Variants in RBM46 observed in about 807,000 individuals in gnomAD.
RBM46 encodes the protein probable RNA-binding protein 46.
Under a neutral mutation model 43.3 loss-of-function variants are expected in RBM46, and 12 were observed. The observed-to-expected ratio is 0.28, with a 90% CI of 0.18 to 0.45. The LOEUF is 0.45. Among genes scored for constraint, RBM46 ranks in the 20% least tolerant of loss-of-function variants. The probability of loss-of-function intolerance (pLI) is 1.00; values close to 1 mark genes in which losing one functional copy is unlikely to be tolerated. For synonymous variants in RBM46, 205 were observed against 207.6 expected (o/e 0.99, Z 0.11); for missense variants, 412 against 639.1 (o/e 0.64, Z 3.83).
At chr4:154,824,676 A>T (rs1264448080) in intron 4 of RBM46, among the ~76,000 whole-genome samples, 1 of 152,142 alleles carries the variant, frequency 6.6e-6, no homozygotes, top group Non-Finnish European at 1.5e-5. Context: ...GTGAATGGAA[A>T]AAAAAAGCAT....
chr4:154,798,172 C>A lies in RBM46; in HGVS notation c.513C>A (p.Val171=). 6.2e-7 allele frequency: 1 copy of A among 1,613,804 alleles called. No homozygotes were observed. The highest frequency in any genetic ancestry group is 1.1e-5 in the South Asian group (1 of 90,962). Residue 171 remains valine (V), a synonymous_variant, in exon 3 of 5, where the codon GTC becomes GTA. Transcript: ENST00000281722. The part of the protein sequence containing the change: ...MKKVTEGVVD[V]IVYPSATDKT... ...AAGTTACAGAAGGAGTTGTAGATGTCATTGTTTATCCAAGTGCAACTGATA... is the reference window on the plus strand; with the variant it reads ...AAGTTACAGAAGGAGTTGTAGATGTAATTGTTTATCCAAGTGCAACTGATA...
At chr4:154,815,575 G>A (rs1045465523) in intron 4 of RBM46, among the ~76,000 whole-genome samples, 2 of 151,902 alleles carry the variant, frequency 1.3e-5, no homozygotes, top group Non-Finnish European at 2.9e-5. Flanking sequence ...ATCATCTTAG[G>A]AGGATTATAG....
chr4:154,788,906 G>T (rs1323284184), intron 1 of RBM46, among the ~76,000 whole-genome samples: 2 of 152,128 alleles, frequency 1.3e-5, no homozygotes. Flanking sequence ...CACATCCCTT[G>T]TAAGTTGGCT....
chr4:154,808,306 A>G (rs1735008923), intron 4 of RBM46, among the ~76,000 whole-genome samples: 1 of 151,988 alleles, frequency 6.6e-6, no homozygotes, highest in Non-Finnish European at 1.5e-5. Flanking sequence ...CCTATGCTTT[A>G]CTTTTTCTTT....
At chr4:154,797,053 T>C (rs1734389467) in intron 2 of RBM46, 150 bp downstream of exon 2, 2 of 573,814 alleles carry the variant, frequency 3.5e-6, no homozygotes, top group South Asian at 5.9e-5. Flanking sequence ...AGTTAAATTA[T>C]AAATGTTATT....
intron 4 of RBM46, among the ~76,000 whole-genome samples, chr4:154,817,699 T>C (rs990390569): frequency 8.5e-5 from 13 of 152,188 alleles, no homozygotes; most frequent in African/African-American, 3.1e-4. Flanking sequence ...TTTTATGTTT[T>C]GATTTCTTCT....
intron 1 of RBM46, among the ~76,000 whole-genome samples, chr4:154,787,930 G>T (rs1395876331): frequency 6.6e-6 from 1 of 152,092 alleles, no homozygotes; most frequent in Non-Finnish European, 1.5e-5. Flanking sequence ...TTCTCTGATG[G>T]CCAGTGATGA....
In RBM46 at chr4:154,798,196, T is replaced by C. The variant is rs770287089; in HGVS notation, c.537T>C (p.Asp179=). The C allele has an allele frequency of 3.1e-6, 5 of 1,613,108 alleles. No homozygotes were observed. In the African/African-American group the frequency reaches 6.7e-5, roughly 22 times the overall value. ...TCATTGTTTATCCAAGTGCAACTGATAAGACCAAAAATCGTGGTTTTGCAT... is the reference window on the plus strand; with the variant it reads ...TCATTGTTTATCCAAGTGCAACTGACAAGACCAAAAATCGTGGTTTTGCAT... ...VDVIVYPSAT[D]KTKNRGFAFV... Residue 179 remains aspartate, a synonymous_variant, in exon 3 of 5, where the codon GAT becomes GAC. Coordinates refer to ENST00000281722, the MANE Select transcript of RBM46 (RefSeq NM_144979.5).
intron 4 of RBM46, among the ~76,000 whole-genome samples, chr4:154,808,121 T>TA (rs1264324043): frequency 6.6e-6 from 1 of 152,008 alleles, no homozygotes; most frequent in African/African-American, 2.4e-5. Context: ...ATCAATCTCT[T>TA]AAACAGTTGT....
intron 4 of RBM46, among the ~76,000 whole-genome samples, chr4:154,814,895 A>C (rs532912837): frequency 2.4e-4 from 37 of 151,666 alleles, no homozygotes; most frequent in Non-Finnish European, 3.8e-4. Flanking sequence ...AGAAAAGTGC[A>C]CAAATAATGA....
At chr4:154,801,772 G>T (rs1734650068) in intron 4 of RBM46, among the ~76,000 whole-genome samples, 1 of 152,166 alleles carries the variant, frequency 6.6e-6, no homozygotes, top group Admixed American at 6.5e-5. Flanking sequence ...CTATATGGAA[G>T]CAGAGCTTTT....
intron 4 of RBM46, among the ~76,000 whole-genome samples, chr4:154,821,545 A>C (rs766169613): frequency 7.2e-5 from 11 of 151,882 alleles, no homozygotes; most frequent in Non-Finnish European, 1.6e-4. Context: ...TCTTAATACA[A>C]AGGTAGCAAA....
chr4:154,827,076 G>A, intron 4 of RBM46: 1 of 1,140,218 alleles, frequency 8.8e-7, no homozygotes, highest in Non-Finnish European at 1.1e-6. Flanking sequence ...AATTTGGTCT[G>A]TAATATACAC....
chr4:154,826,413 G>A (rs1051741143), intron 4 of RBM46, among the ~76,000 whole-genome samples: 77 of 152,188 alleles, frequency 5.1e-4, no homozygotes, highest in African/African-American at 8.4e-4. Flanking sequence ...AGCTGAGACC[G>A]CACCATTGCA....
At position 154,826,739 on chromosome 4, in the gene RBM46, C is replaced by CTTTTTTT. The variant is rs34828322; in HGVS notation, c.1403-1117_1403-1111dup. 9 of 934,286 alleles carry CTTTTTTT rather than the reference C, an allele frequency of 9.6e-6. 1 individual carries two copies. The highest frequency in any genetic ancestry group is 1.4e-5 in the Non-Finnish European group (9 of 652,568). The allele number at this position is 934,286 out of a possible 1,614,324, so 57.9% of individuals were successfully genotyped here. On this transcript the variant is annotated intron_variant, in intron 4 of 4. Transcript: ENST00000281722. ...TATATTTAACTGATTTTCATTTTTC[C>CTTTTTTT]TTTTTTTTTTTTTTTTTTCCTGAAC...
At chr4:154,781,620 C>T (rs1733467721) in intron 1 of RBM46, 184 bp downstream of exon 1, 1 of 152,424 alleles carries the variant, frequency 6.6e-6, no homozygotes, top group East Asian at 1.9e-4. Context: ...CTGCTTCCTG[C>T]CCCGGCAGCA....
chr4:154,813,885 GTC>G (rs1161251350), intron 4 of RBM46, among the ~76,000 whole-genome samples: 5 of 151,926 alleles, frequency 3.3e-5, no homozygotes, highest in Admixed American at 3.3e-4. Flanking sequence ...ATATCTGAGA[GTC>G]TGAAAATAAT....
At chr4:154,817,165 G>C (rs975027050) in intron 4 of RBM46, among the ~76,000 whole-genome samples, 20 of 151,736 alleles carry the variant, frequency 1.3e-4, no homozygotes, top group Admixed American at 6.6e-4. Flanking sequence ...AAATTTCACT[G>C]TTCTCTGTAA....
chr4:154,800,446 T>C (rs1004734688), intron 4 of RBM46, among the ~76,000 whole-genome samples: 4 of 152,230 alleles, frequency 2.6e-5, no homozygotes, highest in Non-Finnish European at 5.9e-5. Flanking sequence ...TTCATGTTTT[T>C]CAAAAAGTAA....
Sources: allele counts gnomAD v4.1 joint callset (sites outside exome capture counted in the v4.1 genomes callset), GRCh38; gene constraint gnomAD v4.1.1; transcripts MANE v1.5; gene names NCBI Gene and HGNC (gene_info 2026-07-23, HGNC 2026-07-21).